The following TCF7L1 variants were observed in gnomAD, a reference collection of about 807,000 sequenced individuals.
The protein encoded by TCF7L1 is transcription factor 7-like 1.
In TCF7L1, 18 loss-of-function variants were observed where a neutral mutation model predicts 63.7. The ratio of observed to expected loss-of-function variants is 0.28; its 90% CI spans 0.20 to 0.42. TCF7L1 has a LOEUF of 0.42. Ranked by LOEUF, TCF7L1 falls within the 10% of genes least tolerant of loss-of-function variation. TCF7L1 has a pLI of 1.00. For synonymous variants in TCF7L1, 355 were observed against 340.9 expected, an observed-to-expected ratio of 1.04 and a Z score of -0.46; for missense variants, 654 against 779.3, an observed-to-expected ratio of 0.84 and a Z score of 1.91.
At chr2:85,156,904 T>G (rs938149720) in intron 3 of TCF7L1, among the ~76,000 whole-genome samples, 3 of 152,116 alleles carry the variant, frequency 2.0e-5, no homozygotes, top group South Asian at 4.2e-4. Context: ...AGAAATATTT[T>G]GGTTAGACTT....
rs771712531 is a variant in TCF7L1, at chr2:85,183,995, G to A, written c.441+49545G>A. ...ATTGAAATCTTTGTAAAGTTGGGTC[G>A]TGGTTGTGGGAAGAGAGGTGATACA... On this transcript the variant is annotated intron_variant, in intron 3 of 11. Coordinates refer to ENST00000282111, the MANE Select transcript of TCF7L1 (RefSeq NM_031283.3). Among the ~76,000 whole-genome samples the A allele has an allele frequency of 2.0e-4, 31 of 152,328 alleles. 1 individual carries two copies. Among genetic ancestry groups the A allele is most frequent in the African/African-American group, 5.1e-4 (21 of 41,576 alleles).
chr2:85,256,506 C>G (rs980195859), intron 3 of TCF7L1, among the ~76,000 whole-genome samples: 2 of 152,166 alleles, frequency 1.3e-5, no homozygotes, highest in African/African-American at 4.8e-5. Context: ...GGGGGAAGCC[C>G]CTGCTTCCGG....
At position 85,265,520 on chromosome 2, in the gene TCF7L1, G is replaced by A. The variant is rs137935909; in HGVS notation, c.442-17975G>A. ...AGAGTGGAGGAGAGTGTCCAGGGCG[G>A]GGCTGTAGAGTGGACCCTTCCTCAG... On this transcript the variant is annotated intron_variant, in intron 3 of 11. Coordinates refer to ENST00000282111, the MANE Select transcript of TCF7L1 (RefSeq NM_031283.3). Among the ~76,000 whole-genome samples, 1,066 of 151,974 alleles carry A rather than the reference G, an allele frequency of 7.0e-3. 7 individuals carry two copies. Among genetic ancestry groups the A allele is most frequent in the Non-Finnish European group, 0.01 (713 of 67,946 alleles).
At chr2:85,287,207 C>A (rs141135282) in intron 4 of TCF7L1, among the ~76,000 whole-genome samples, 1 of 152,122 alleles carries the variant, frequency 6.6e-6, no homozygotes, top group Non-Finnish European at 1.5e-5. Context: ...GCAACACAGC[C>A]GACAGCCAAG....
intron 3 of TCF7L1, among the ~76,000 whole-genome samples, chr2:85,249,606 C>T (rs970253120): frequency 6.6e-5 from 10 of 152,320 alleles, no homozygotes; most frequent in Admixed American, 1.3e-4. Flanking sequence ...TGGGGGTCTG[C>T]GGAACCTTCC....
rs993164505 is a variant in TCF7L1, at chr2:85,306,449, C to T, written c.1150-3C>T. 8.7e-6 allele frequency: 14 copies of T among 1,614,108 alleles called. No individual in the cohort carries two copies. The highest frequency in any genetic ancestry group is 4.5e-5 in the East Asian group (2 of 44,868). On this transcript the variant is annotated splice_polypyrimidine_tract_variant and splice_region_variant and intron_variant, in intron 9 of 11. Coordinates refer to ENST00000282111, the MANE Select transcript of TCF7L1 (RefSeq NM_031283.3). The surrounding 1 kb of genome is among the most constrained non-coding windows in gnomAD (Gnocchi z 4.3). Reference sequence around the variant, plus strand: ...GTGTGGTCTCTGACCCTCTCTCCCCCAGTGGCACAACCTGTCTCGAGAAGA... The same window carrying T: ...GTGTGGTCTCTGACCCTCTCTCCCCTAGTGGCACAACCTGTCTCGAGAAGA...
chr2:85,152,437 C>CTTTT (rs36116388), intron 3 of TCF7L1, among the ~76,000 whole-genome samples: 4 of 131,902 alleles, frequency 3.0e-5, no homozygotes, highest in African/African-American at 5.8e-5. Flanking sequence ...CTCTCTCTCT[C>CTTTT]TTTTTTTTTT....
At chr2:85,198,468 G>A (rs1679205045) in intron 3 of TCF7L1, among the ~76,000 whole-genome samples, 1 of 152,156 alleles carries the variant, frequency 6.6e-6, no homozygotes, top group Non-Finnish European at 1.5e-5. Flanking sequence ...CCTCTGTTCT[G>A]AGCATTTTCC....
intron 3 of TCF7L1, among the ~76,000 whole-genome samples, chr2:85,222,140 G>C (rs1454500326): frequency 6.6e-6 from 1 of 152,024 alleles, no homozygotes; most frequent in South Asian, 2.1e-4. Flanking sequence ...TCAGGAGTTC[G>C]AGACCAGCCT....
intron 3 of TCF7L1, among the ~76,000 whole-genome samples, chr2:85,283,135 C>A (rs1276559612): frequency 6.6e-6 from 1 of 151,864 alleles, no homozygotes; most frequent in Non-Finnish European, 1.5e-5. Flanking sequence ...GTCAGCCCTG[C>A]GTGTCCATGA....
intron 3 of TCF7L1, among the ~76,000 whole-genome samples, chr2:85,261,264 T>C (rs1680851729): frequency 2.0e-5 from 3 of 151,774 alleles, no homozygotes; most frequent in Admixed American, 2.0e-4. Flanking sequence ...TTAACTATAA[T>C]AACAAGGCCC....
At chr2:85,279,786 T>C (rs749852691) in intron 3 of TCF7L1, among the ~76,000 whole-genome samples, 13 of 152,198 alleles carry the variant, frequency 8.5e-5, no homozygotes, top group Non-Finnish European at 1.8e-4. Context: ...ACCCCAGGCA[T>C]GGCTGGAGCA....
At chr2:85,219,597 A>G (rs955982386) in intron 3 of TCF7L1, among the ~76,000 whole-genome samples, 12 of 152,214 alleles carry the variant, frequency 7.9e-5, no homozygotes, top group Non-Finnish European at 1.6e-4. Context: ...GTAAGTGGCT[A>G]GGCTGGGCAC....
intron 3 of TCF7L1, among the ~76,000 whole-genome samples, chr2:85,215,617 G>A (rs55868746): frequency 0.034 from 5,215 of 152,262 alleles, 122 homozygotes; most frequent in Middle Eastern, 0.054. Flanking sequence ...GGGAATGGCC[G>A]GGGGTGGGAG....
intron 4 of TCF7L1, among the ~76,000 whole-genome samples, chr2:85,297,679 G>C (rs1379040021): frequency 6.6e-6 from 1 of 151,952 alleles, no homozygotes; most frequent in Non-Finnish European, 1.5e-5. Flanking sequence ...ACAAAAGTTA[G>C]CCCGGCATGG....
intron 3 of TCF7L1, among the ~76,000 whole-genome samples, chr2:85,225,988 T>C (rs139122780): frequency 0.042 from 6,376 of 152,296 alleles, 150 homozygotes; most frequent in African/African-American, 0.054. Flanking sequence ...TAGCATGAAA[T>C]GCTGTTGAAT....
intron 3 of TCF7L1, among the ~76,000 whole-genome samples, chr2:85,248,537 A>G (rs1680520630): frequency 6.6e-6 from 1 of 152,106 alleles, no homozygotes; most frequent in African/African-American, 2.4e-5. Context: ...TTCCCGTCCC[A>G]CTTATACACA....
intron 3 of TCF7L1, among the ~76,000 whole-genome samples, chr2:85,282,277 T>G (rs187477653): frequency 4.3e-4 from 65 of 152,338 alleles, no homozygotes; most frequent in South Asian, 1.0e-3. Context: ...CATGAGCCAC[T>G]GCACCCAGCC....
At chr2:85,173,978 G>A (rs1354440745) in intron 3 of TCF7L1, among the ~76,000 whole-genome samples, 4 of 151,968 alleles carry the variant, frequency 2.6e-5, no homozygotes, top group African/African-American at 4.8e-5. Context: ...CTTGTGATCC[G>A]CCCGCCTCAG....
Sources: gnomAD v4.1 joint callset for allele counts (sites outside exome capture counted in the v4.1 genomes callset) on GRCh38, gnomAD v4.1.1 for gene constraint, Gnocchi (gnomAD v3.1) non-coding constraint, MANE v1.5 for transcripts, NCBI Gene and HGNC (gene_info 2026-07-23, HGNC 2026-07-21) for gene names.